The following PCMT1 variants were observed in gnomAD, a reference collection of about 807,000 sequenced individuals.
PCMT1 encodes protein-L-isoaspartate (D-aspartate) O-methyltransferase.
Under a neutral mutation model 29.2 loss-of-function variants are expected in PCMT1, and 9 were observed. That is an observed-to-expected ratio of 0.31 (90% CI 0.19 to 0.54). The LOEUF is 0.54. Ranked by LOEUF, PCMT1 falls within the 20% of genes least tolerant of loss-of-function variation. The probability of loss-of-function intolerance (pLI) is 0.95; values close to 1 mark genes in which losing one functional copy is unlikely to be tolerated. For missense variants in PCMT1, 184 were observed against 282.2 expected (o/e 0.65, Z 2.49); for synonymous variants, 98 against 97.5 (o/e 1.00, Z -0.03).
intron 6 of PCMT1, chr6:149,798,172 A>AC (rs1788692008): frequency 7.1e-6 from 1 of 140,242 alleles, no homozygotes; most frequent in Non-Finnish European, 1.5e-5. Flanking sequence ...CTGTCTCAAA[A>AC]AAAAAAAAAA....
In PCMT1 at chr6:149,763,049, T is replaced by TCTATG. The variant is rs1197022967; in HGVS notation, c.56-8113_56-8112insCTATG. Among the ~76,000 whole-genome samples, 6 of 59,014 alleles carry TCTATG rather than the reference T, an allele frequency of 1.0e-4. 1 individual carries two copies. The highest frequency in any genetic ancestry group is 4.7e-4 in the African/African-American group (3 of 6,440). 38.7% of individuals were successfully genotyped at this position (59,014 alleles called of 152,430 possible). The stretch of plus-strand genomic sequence containing the variant: ...ATATATCTATGATATCTATGATATG[T>TCTATG]ATATCTATGATATATATATCTATGA... On this transcript the variant is annotated intron_variant, in intron 1 of 7. Transcript: ENST00000464889.
intron 3 of PCMT1, among the ~76,000 whole-genome samples, chr6:149,773,375 T>C (rs1787417827): frequency 6.6e-6 from 1 of 151,844 alleles, no homozygotes; most frequent in Non-Finnish European, 1.5e-5. Flanking sequence ...TGTTTTGTTT[T>C]GTTTTGTTTT....
intron 7 of PCMT1, among the ~76,000 whole-genome samples, chr6:149,808,545 T>C (rs1013482966): frequency 7.2e-5 from 11 of 152,118 alleles, no homozygotes; most frequent in African/African-American, 2.4e-4. Flanking sequence ...GAGAGGATAG[T>C]TGGAAAAATG....
At chr6:149,782,768 AAAG>A in intron 3 of PCMT1, among the ~76,000 whole-genome samples, 1 of 152,326 alleles carries the variant, frequency 6.6e-6, no homozygotes, top group African/African-American at 2.4e-5. Flanking sequence ...AAAAAAACAA[AAAG>A]AGCAAGACAG....
chr6:149,793,398 G>C (rs1169571819), intron 4 of PCMT1, 151 bp from the exon 5 acceptor site: 20 of 472,666 alleles, frequency 4.2e-5, no homozygotes, highest in Non-Finnish European at 3.4e-6. Flanking sequence ...AATAATTTAT[G>C]ATAAACTGAG....
rs1253463802 is a variant in PCMT1, at chr6:149,771,156, T to C, written c.56-6T>C. 6.4e-7 allele frequency: 1 copy of C among 1,568,250 alleles called. No individual in the cohort carries two copies. The highest frequency in any genetic ancestry group is 8.8e-7 in the Non-Finnish European group (1 of 1,141,284). On this transcript the variant is annotated splice_polypyrimidine_tract_variant and splice_region_variant and intron_variant, in intron 1 of 7. Coordinates refer to ENST00000464889, the MANE Select transcript of PCMT1 (RefSeq NM_001360452.2). ...CTTCTGAAAATATTTGCCTCACTTG[T>C]TTCAGAAAATGGAATCATCAAGACA...
At chr6:149,809,258 CAAAAAAAA>C (rs1209712068) in intron 7 of PCMT1, among the ~76,000 whole-genome samples, 2 of 47,094 alleles carry the variant, frequency 4.2e-5, no homozygotes, top group Admixed American at 6.5e-4. Context: ...GACTCTGTCT[CAAAAAAAA>C]AAAAAAAAAA....
At chr6:149,766,921 T>C (rs1787108916) in intron 1 of PCMT1, among the ~76,000 whole-genome samples, 1 of 152,086 alleles carries the variant, frequency 6.6e-6, no homozygotes, top group Admixed American at 6.6e-5. Context: ...GCTTTTGAGA[T>C]TCATTCAAGC....
At chr6:149,796,804 G>GTTTT in intron 6 of PCMT1, 1 of 182,934 alleles carries the variant, frequency 5.5e-6, no homozygotes, top group African/African-American at 2.5e-5. Flanking sequence ...TTGTTTGTTT[G>GTTTT]TTTTTTGTTT....
intron 1 of PCMT1, among the ~76,000 whole-genome samples, chr6:149,757,217 G>A (rs1445982012): frequency 6.6e-6 from 1 of 152,068 alleles, no homozygotes; most frequent in East Asian, 1.9e-4. Flanking sequence ...CACATTTCAA[G>A]AGCTCAGTAG....
chr6:149,753,963 G>A (rs1042004865), intron 1 of PCMT1, among the ~76,000 whole-genome samples: 100 of 152,336 alleles, frequency 6.6e-4, no homozygotes, highest in African/African-American at 2.1e-3. Flanking sequence ...TGTAAGTGGT[G>A]CCACTGCTGG....
rs1471705139 is a variant in PCMT1, at chr6:149,793,688, TA to T, written c.418+24del. The T allele has an allele frequency of 1.3e-6, 2 of 1,524,762 alleles. No homozygotes were observed. The highest frequency in any genetic ancestry group is 2.6e-5 in the Admixed American group (1 of 39,118). The allele number at this position is 1,524,762 out of a possible 1,614,324, so 94.5% of individuals were successfully genotyped here. A position where few individuals can be genotyped will look rare whatever the true frequency, so the allele number is the denominator to read the frequency against. On this transcript the variant is annotated intron_variant, in intron 5 of 7. Coordinates refer to ENST00000464889, the MANE Select transcript of PCMT1 (RefSeq NM_001360452.2). Reference sequence around the variant, plus strand: ...CTTGTTGGTAAGTATCAGAAAACTTTAAAAATTTCTTCAGAGGATTTTTATT... The same window carrying T: ...CTTGTTGGTAAGTATCAGAAAACTTTAAAATTTCTTCAGAGGATTTTTATT...
chr6:149,792,131 A>G (rs1354225780), intron 4 of PCMT1, among the ~76,000 whole-genome samples: 1 of 152,052 alleles, frequency 6.6e-6, no homozygotes, highest in Non-Finnish European at 1.5e-5. Context: ...CCTGGCCAAC[A>G]TGGTGAAACC....
rs1443767858 is a variant in PCMT1 at position 149,749,956 on chromosome 6, A to G, written c.55A>G (p.Lys19Glu). The G allele has an allele frequency of 6.2e-7, 1 of 1,609,824 alleles. No individual in the cohort carries two copies. The highest frequency in any genetic ancestry group is 8.5e-7 in the Non-Finnish European group (1 of 1,178,364). Residue 19 changes from lysine to glutamate, a missense_variant and splice_region_variant, in exon 1 of 8, where the codon AAA becomes GAA. Physicochemically the swap from Lys to Glu is moderately conservative, Grantham distance 56. Coordinates refer to ENST00000464889, the MANE Select transcript of PCMT1 (RefSeq NM_001360452.2). ...CTCGGAGCTAATCCACAATCTCCGC[A>G]GTAAGTGCCACCTCCGCCCGTTGTA... The part of the protein sequence containing the change: ...SHSELIHNLR[K>E]NGIIKTDKVF...
At chr6:149,787,414 T>C (rs190710189) in intron 3 of PCMT1, among the ~76,000 whole-genome samples, 4,015 of 151,330 alleles carry the variant, frequency 0.027, 75 homozygotes, top group Non-Finnish European at 0.041. Context: ...TCACCCAGGC[T>C]GGAGTGCAGT....
At chr6:149,803,172 A>G (rs933150293) in intron 7 of PCMT1, among the ~76,000 whole-genome samples, 3 of 152,020 alleles carry the variant, frequency 2.0e-5, no homozygotes, top group Non-Finnish European at 2.9e-5. Flanking sequence ...CTAAAATGTC[A>G]GAATACCAGA....
intron 4 of PCMT1, among the ~76,000 whole-genome samples, chr6:149,791,902 A>G (rs1019341111): frequency 1.3e-5 from 2 of 152,284 alleles, no homozygotes; most frequent in Middle Eastern, 3.4e-3. Flanking sequence ...CACATTTACC[A>G]TGTGTGAAAG....
intron 3 of PCMT1, among the ~76,000 whole-genome samples, chr6:149,777,244 A>G (rs1043977306): frequency 2.0e-5 from 3 of 152,248 alleles, no homozygotes; most frequent in Non-Finnish European, 4.4e-5. Flanking sequence ...AAATCAACTA[A>G]CACAAAGTCT....
chr6:149,752,962 T>C (rs929836783), intron 1 of PCMT1, among the ~76,000 whole-genome samples: 1 of 152,234 alleles, frequency 6.6e-6, no homozygotes, highest in South Asian at 2.1e-4. Context: ...ATATTTAATA[T>C]ACATAGATGT....
Sources: gnomAD v4.1 joint callset for allele counts (sites outside exome capture counted in the v4.1 genomes callset) on GRCh38, gnomAD v4.1.1 for gene constraint, MANE v1.5 for transcripts, NCBI Gene and HGNC (gene_info 2026-07-23, HGNC 2026-07-21) for gene names.